The following NDUFAF7 variants were observed in gnomAD, a reference collection of about 807,000 sequenced individuals.
NDUFAF7 encodes the protein NADH:ubiquinone oxidoreductase complex assembly factor 7.
In NDUFAF7, 48 loss-of-function variants were observed where a neutral mutation model predicts 47.2. That is an observed-to-expected ratio of 1.02 (90% CI 0.81 to 1.29). NDUFAF7 has a LOEUF of 1.29. Ranked by LOEUF, NDUFAF7 falls within the 50% of genes most tolerant of loss-of-function variation. The pLI is 0.00. For synonymous variants in NDUFAF7, 217 were observed against 190.0 expected (o/e 1.14, Z -1.17); for missense variants, 635 against 537.6 (o/e 1.18, Z -1.79).
chr2:37,249,491 C>T (rs1010072933), downstream of NDUFAF7, among the ~76,000 whole-genome samples: 8 of 151,448 alleles, frequency 5.3e-5, no homozygotes, highest in African/African-American at 1.2e-4. Flanking sequence ...GTAGGATAAT[C>T]GCTTGAACCC....
chr2:37,261,673 G>A, the NDUFAF7 span, among the ~76,000 whole-genome samples: 10 of 152,238 alleles, frequency 6.6e-5, no homozygotes, highest in East Asian at 5.8e-4. Context: ...CCAGCTACTC[G>A]GGAGGCTGAG....
At chr2:37,241,974 A>G in intron 5 of NDUFAF7, 183 bp downstream of exon 5, 1 of 603,156 alleles carries the variant, frequency 1.7e-6, no homozygotes, top group Non-Finnish European at 2.9e-6. Flanking sequence ...GTTGCCTGAC[A>G]TTAAGTAGTA....
the NDUFAF7 span, chr2:37,268,573 T>A: frequency 4.0e-6 from 1 of 251,778 alleles, no homozygotes; most frequent in African/African-American, 2.3e-5. Context: ...GTATGTTGGG[T>A]AGCAGGAGTA....
the NDUFAF7 span, among the ~76,000 whole-genome samples, chr2:37,261,040 A>G: frequency 5.3e-5 from 8 of 152,230 alleles, no homozygotes; most frequent in Non-Finnish European, 1.0e-4. Context: ...GCCTTGCTCA[A>G]ACACCTTCAG....
chr2:37,237,881 G>T lies in NDUFAF7; in HGVS notation c.408+14G>T. 3 of 1,542,282 alleles carry T rather than the reference G, an allele frequency of 1.9e-6. No homozygotes were observed. Among genetic ancestry groups the T allele is most frequent in the Non-Finnish European group, 2.7e-6 (3 of 1,115,266 alleles). The stretch of plus-strand genomic sequence containing the variant: ...GATATTTTGAGGGTAGGTAATAAAA[G>T]AATGTCTTCTAGTCTCATATAAGTG... On this transcript the variant is annotated intron_variant, in intron 4 of 9. Transcript: ENST00000002125.
At chr2:37,252,847 T>TTATATATATATATATATATATATA (rs58356461), downstream of NDUFAF7, 7 of 145,034 alleles carry the variant, frequency 4.8e-5, no homozygotes, top group African/African-American at 1.0e-4. Context: ...ATATTTATAT[T>TTATATATATATATATATATATATA]TATATATATA....
rs2041838 is a variant in NDUFAF7 at position 37,241,305 on chromosome 2, T to C, written c.409-273T>C. 2.8e-3 allele frequency among the ~76,000 whole-genome samples: 422 copies of C among 152,210 alleles called. 2 individuals carry two copies. Among genetic ancestry groups the C allele is most frequent in the African/African-American group, 9.7e-3 (404 of 41,540 alleles). Reference sequence around the variant, plus strand: ...TTAGACTCCATAATCTGAATCATTGTTTTTATCAGATGCCAAATCTTTTAT... The same window carrying C: ...TTAGACTCCATAATCTGAATCATTGCTTTTATCAGATGCCAAATCTTTTAT... On this transcript the variant is annotated intron_variant, in intron 4 of 9. Coordinates refer to ENST00000002125, the MANE Select transcript of NDUFAF7 (RefSeq NM_144736.5).
intron 6 of NDUFAF7, 152 bp downstream of exon 6, chr2:37,242,845 C>CA (rs1431172181): frequency 1.7e-6 from 1 of 590,348 alleles, no homozygotes; most frequent in Non-Finnish European, 3.0e-6. Flanking sequence ...AATTCAAAAG[C>CA]AAAAAATGAA....
chr2:37,256,958 G>C, downstream of NDUFAF7: 1 of 1,611,572 alleles, frequency 6.2e-7, no homozygotes, highest in East Asian at 2.2e-5. Context: ...TGTTAATTTT[G>C]TATTATAGTG....
At chr2:37,247,764 T>C (rs111902035) in intron 9 of NDUFAF7, 135 bp downstream of exon 9, 1 of 1,054,218 alleles carries the variant, frequency 9.5e-7, no homozygotes. Context: ...TCAGGTAGTA[T>C]AGGATTTAGT....
intron 7 of NDUFAF7, among the ~76,000 whole-genome samples, chr2:37,244,961 G>T (rs79776725): frequency 0.022 from 3,391 of 152,272 alleles, 56 homozygotes; most frequent in Middle Eastern, 0.034. Context: ...AATGAGATGC[G>T]TGGTAATACA....
rs1666406938 is a variant in NDUFAF7 at position 37,242,059 on chromosome 2, G to A, written c.622+268G>A. 4.4e-5 allele frequency: 22 copies of A among 495,604 alleles called. No homozygotes were observed. In the South Asian group the frequency reaches 5.1e-4, roughly 12 times the overall value. 30.7% of individuals were successfully genotyped at this position (495,604 alleles called of 1,614,324 possible). A position where few individuals can be genotyped will look rare whatever the true frequency, so the allele number is the denominator to read the frequency against. ...TTGTACTTTTGAGTATTTCCCTATA[G>A]CTAGGGTTGTACCGATGACGGAGCA... is the stretch of plus-strand genomic sequence containing the variant. On this transcript the variant is annotated intron_variant, in intron 5 of 9. Coordinates refer to ENST00000002125, the MANE Select transcript of NDUFAF7 (RefSeq NM_144736.5).
At chr2:37,264,389 G>A in the NDUFAF7 span, among the ~76,000 whole-genome samples, 1 of 152,080 alleles carries the variant, frequency 6.6e-6, no homozygotes, top group East Asian at 1.9e-4. Flanking sequence ...ACTTGACAAA[G>A]ATGCCTTGTC....
downstream of NDUFAF7, chr2:37,251,038 A>G (rs1165557498): frequency 6.6e-6 from 1 of 152,644 alleles, no homozygotes; most frequent in East Asian, 1.9e-4. Flanking sequence ...AAGTATAGCA[A>G]ACAAACATCG....
At position 37,247,443 on chromosome 2, in the gene NDUFAF7, C is replaced by A. The variant is rs375456820; in HGVS notation, c.937-13C>A. On this transcript the variant is annotated splice_polypyrimidine_tract_variant and intron_variant, in intron 8 of 9. Coordinates refer to ENST00000002125, the MANE Select transcript of NDUFAF7 (RefSeq NM_144736.5). ...CCATAAAAGGGCAAAAATCTGATTT[C>A]TTTATGTTCAAGGGGTTTTGCGACC... 25 of 1,613,368 alleles carry A rather than the reference C, an allele frequency of 1.5e-5. No individual in the cohort carries two copies. In the African/African-American group the frequency reaches 2.5e-4, roughly 16 times the overall value.
chr2:37,254,838 C>G (rs542939648), downstream of NDUFAF7, among the ~76,000 whole-genome samples: 4 of 152,204 alleles, frequency 2.6e-5, no homozygotes, highest in Admixed American at 1.3e-4. Flanking sequence ...GCTTAACTAC[C>G]AAAAGTTTAC....
At chr2:37,261,473 C>T in the NDUFAF7 span, among the ~76,000 whole-genome samples, 61 of 141,128 alleles carry the variant, frequency 4.3e-4, no homozygotes, top group Non-Finnish European at 7.6e-4. Context: ...GGAGACAGAG[C>T]GAGACTTTGT....
chr2:37,239,911 A>C (rs1178924897), intron 4 of NDUFAF7, among the ~76,000 whole-genome samples: 1 of 152,188 alleles, frequency 6.6e-6, no homozygotes, highest in Non-Finnish European at 1.5e-5. Flanking sequence ...GAGGGAGTCC[A>C]CAGGGGCTTT....
rs79370624 is a variant in NDUFAF7 at position 37,240,156 on chromosome 2, C to T, written c.409-1422C>T. On this transcript the variant is annotated intron_variant, in intron 4 of 9. Coordinates refer to ENST00000002125, the MANE Select transcript of NDUFAF7 (RefSeq NM_144736.5). ...AATGTAAAAAACAAACATGGCTGGG[C>T]GCAGTGGCCCATGCCTGTAATCGCA... 2.8e-3 allele frequency among the ~76,000 whole-genome samples: 427 copies of T among 152,214 alleles called. 2 individuals are homozygous for T. Among genetic ancestry groups the T allele is most frequent in the African/African-American group, 9.5e-3 (394 of 41,530 alleles).
Sources: allele counts gnomAD v4.1 joint callset (sites outside exome capture counted in the v4.1 genomes callset), GRCh38; gene constraint gnomAD v4.1.1; transcripts MANE v1.5; gene names NCBI Gene and HGNC (gene_info 2026-07-23, HGNC 2026-07-21).